SLC9A9: variants seen among roughly 807,000 people sequenced by gnomAD.
SLC9A9 encodes sodium/hydrogen exchanger 9.
A neutral mutation model predicts 77.8 loss-of-function variants in SLC9A9; 62 were observed. That is an observed-to-expected ratio of 0.80 (90% CI 0.65 to 0.98). SLC9A9 has a LOEUF of 0.98. Among genes scored for constraint, SLC9A9 ranks in the 50% least tolerant of loss-of-function variants. The probability of loss-of-function intolerance (pLI) is 0.00; values close to 1 mark genes in which losing one functional copy is unlikely to be tolerated. For missense variants in SLC9A9, 775 were observed against 774.9 expected, an observed-to-expected ratio of 1.00 and a Z score of 0.00; for synonymous variants, 320 against 283.5, an observed-to-expected ratio of 1.13 and a Z score of -1.29.
chr3:143,449,843 A>ATTTATATATATAATTATATGTATTATT (rs530685441), intron 12 of SLC9A9, among the ~76,000 whole-genome samples: 1 of 75,460 alleles, frequency 1.3e-5, no homozygotes, highest in Admixed American at 2.3e-4. Context: ...TATATGTATT[A>ATTTATATATATAATTATATGTATTATT]TATATATATA....
At chr3:143,667,758 A>G (rs2039093014) in intron 5 of SLC9A9, among the ~76,000 whole-genome samples, 1 of 152,214 alleles carries the variant, frequency 6.6e-6, no homozygotes, top group Non-Finnish European at 1.5e-5. Context: ...GCCATCAGAG[A>G]AATGTAAATC....
chr3:143,591,179 C>T (rs915873235), intron 6 of SLC9A9, among the ~76,000 whole-genome samples: 3 of 152,214 alleles, frequency 2.0e-5, no homozygotes, highest in African/African-American at 7.2e-5. Context: ...CCTGATCTCC[C>T]ATTTATTAGC....
At position 143,492,354 on chromosome 3, in the gene SLC9A9, C is replaced by G. The variant is rs183337730; in HGVS notation, c.1315+1299G>C. On this transcript the variant is annotated intron_variant, in intron 11 of 15. Coordinates refer to ENST00000316549, the MANE Select transcript of SLC9A9 (RefSeq NM_173653.4). ...CTTCTCACCTTCCTTATGACTCTCT[C>G]TCTCTTACCCTAACATGTCTGGAAA... 1.5e-3 allele frequency among the ~76,000 whole-genome samples: 228 copies of G among 151,732 alleles called. 1 individual carries two copies. The highest frequency in any genetic ancestry group is 5.3e-3 in the African/African-American group (220 of 41,380).
intron 6 of SLC9A9, among the ~76,000 whole-genome samples, chr3:143,610,926 G>A (rs1417466735): frequency 1.3e-5 from 2 of 151,862 alleles, no homozygotes; most frequent in African/African-American, 2.4e-5. Flanking sequence ...TCTTAAATAC[G>A]GTTACTCAGT....
At chr3:143,477,606 A>G (rs2035501461) in intron 11 of SLC9A9, among the ~76,000 whole-genome samples, 1 of 152,036 alleles carries the variant, frequency 6.6e-6, no homozygotes, top group East Asian at 1.9e-4. Context: ...ACCCAGTTCC[A>G]TTGTTACATC....
intron 6 of SLC9A9, among the ~76,000 whole-genome samples, chr3:143,608,546 G>C (rs1181345188): frequency 6.6e-6 from 1 of 152,194 alleles, no homozygotes; most frequent in Non-Finnish European, 1.5e-5. Flanking sequence ...GCTTTCCCTA[G>C]ACTTCTTGTT....
chr3:143,805,837 G>A (rs555065026), intron 2 of SLC9A9, among the ~76,000 whole-genome samples: 67 of 151,982 alleles, frequency 4.4e-4, no homozygotes, highest in African/African-American at 1.4e-3. Context: ...CTCTCTTTTC[G>A]GACTCAGCCC....
chr3:143,365,764 G>A (rs188925681), intron 13 of SLC9A9, among the ~76,000 whole-genome samples: 50 of 152,278 alleles, frequency 3.3e-4, no homozygotes, highest in African/African-American at 1.2e-3. Flanking sequence ...TTTGCAAAAT[G>A]ACTGTTGCAC....
At chr3:143,358,673 T>C (rs1244995020) in intron 14 of SLC9A9, among the ~76,000 whole-genome samples, 2 of 152,218 alleles carry the variant, frequency 1.3e-5, no homozygotes, top group African/African-American at 4.8e-5. Context: ...GCTGTAACAC[T>C]GCAAATCCAT....
intron 4 of SLC9A9, among the ~76,000 whole-genome samples, chr3:143,785,655 A>AT (rs978082325): frequency 3.0e-4 from 46 of 151,310 alleles, no homozygotes; most frequent in Admixed American, 1.6e-3. Flanking sequence ...TACTCCCCTG[A>AT]TTTTTTTTTA....
chr3:143,459,580 T>C (rs559903116), intron 12 of SLC9A9, among the ~76,000 whole-genome samples: 18 of 152,270 alleles, frequency 1.2e-4, no homozygotes, highest in Non-Finnish European at 2.4e-4. Context: ...TTCTGACTTA[T>C]AGTTCATTTC....
intron 12 of SLC9A9, among the ~76,000 whole-genome samples, chr3:143,382,860 G>A (rs1313185273): frequency 2.6e-5 from 4 of 152,142 alleles, no homozygotes; most frequent in African/African-American, 9.7e-5. Flanking sequence ...TAATGATTTT[G>A]TATTAGAGAA....
At chr3:143,656,506 A>G (rs546247697) in intron 5 of SLC9A9, among the ~76,000 whole-genome samples, 1 of 152,272 alleles carries the variant, frequency 6.6e-6, no homozygotes, top group African/African-American at 2.4e-5. Context: ...CCAAGTCTTT[A>G]GGGTGATTTA....
At chr3:143,684,798 A>G (rs1933209511) in intron 5 of SLC9A9, among the ~76,000 whole-genome samples, 1 of 152,084 alleles carries the variant, frequency 6.6e-6, no homozygotes, top group South Asian at 2.1e-4. Flanking sequence ...TTGGGTATAA[A>G]GTAGTTTATA....
intron 6 of SLC9A9, among the ~76,000 whole-genome samples, chr3:143,612,686 A>G (rs1250841522): frequency 6.6e-6 from 1 of 152,252 alleles, no homozygotes; most frequent in Non-Finnish European, 1.5e-5. Context: ...ATTTGAAATG[A>G]CAGGTATGGG....
chr3:143,444,490 C>T (rs62267818), intron 12 of SLC9A9, among the ~76,000 whole-genome samples: 14,714 of 152,168 alleles, frequency 0.097, 789 homozygotes, highest in African/African-American at 0.14. Flanking sequence ...TATCATGCCC[C>T]ACCTTTCCCC....
At chr3:143,781,398 A>G (rs948083000) in intron 4 of SLC9A9, among the ~76,000 whole-genome samples, 19 of 151,892 alleles carry the variant, frequency 1.3e-4, no homozygotes, top group African/African-American at 4.6e-4. Flanking sequence ...CAACGCATGT[A>G]AAGGGCCCAG....
At chr3:143,678,674 T>C (rs1932968508) in intron 5 of SLC9A9, among the ~76,000 whole-genome samples, 1 of 152,222 alleles carries the variant, frequency 6.6e-6, no homozygotes. Context: ...ACTGATTTGA[T>C]TATAATGGCA....
chr3:143,778,037 C>A (rs200633431), intron 4 of SLC9A9, among the ~76,000 whole-genome samples: 309 of 75,450 alleles, frequency 4.1e-3, no homozygotes, highest in South Asian at 7.5e-3. Flanking sequence ...TTATAAAATG[C>A]AAAAAAAAAA....
Sources: allele counts gnomAD v4.1 joint callset (sites outside exome capture counted in the v4.1 genomes callset), GRCh38; gene constraint gnomAD v4.1.1; transcripts MANE v1.5; gene names NCBI Gene and HGNC (gene_info 2026-07-23, HGNC 2026-07-21).